Variants in TENM2 observed in about 807,000 individuals in gnomAD.
The protein encoded by TENM2 is teneurin-2.
TENM2 carries 52 observed loss-of-function variants against 245.2 expected under a neutral mutation model. That is an observed-to-expected ratio of 0.21 (90% CI 0.17 to 0.27). TENM2 has a LOEUF of 0.27. Among genes scored for constraint, TENM2 ranks in the 10% least tolerant of loss-of-function variants. The probability of loss-of-function intolerance (pLI) is 1.00; values close to 1 mark genes in which losing one functional copy is unlikely to be tolerated. For missense variants in TENM2, 3,046 were observed against 3,666.8 expected, an observed-to-expected ratio of 0.83 and a Z score of 4.37; for synonymous variants, 1,363 against 1,438.9, an observed-to-expected ratio of 0.95 and a Z score of 1.19.
At chr5:167,645,395 G>A (rs1228252119) in intron 2 of TENM2, among the ~76,000 whole-genome samples, 1 of 152,054 alleles carries the variant, frequency 6.6e-6, no homozygotes, top group African/African-American at 2.4e-5. Context: ...GAAGGGTGGA[G>A]GAGGAAAGGT....
the TENM2 span, among the ~76,000 whole-genome samples, chr5:167,170,903 C>T: frequency 7.0e-6 from 1 of 143,396 alleles, no homozygotes; most frequent in Non-Finnish European, 1.5e-5. Context: ...TGGTTATCAC[C>T]GTCTCCTAAA....
chr5:168,095,635 A>G (rs575394520), intron 8 of TENM2, among the ~76,000 whole-genome samples: 4 of 152,338 alleles, frequency 2.6e-5, no homozygotes, highest in Non-Finnish European at 5.9e-5. Context: ...AGGGCTTTGC[A>G]TATGAGGGGA....
intron 2 of TENM2, among the ~76,000 whole-genome samples, chr5:167,842,123 G>T (rs958605202): frequency 6.6e-6 from 1 of 151,996 alleles, no homozygotes; most frequent in Non-Finnish European, 1.5e-5. Context: ...ACATCTTGCT[G>T]CCATCTCAGA....
At chr5:167,172,815 C>T in the TENM2 span, among the ~76,000 whole-genome samples, 3,350 of 151,954 alleles carry the variant, frequency 0.022, 108 homozygotes, top group African/African-American at 0.075. Context: ...TGGGTCTCAC[C>T]GAGTTGCTCA....
At chr5:168,259,662 C>G (rs1335799129) in intron 27 of TENM2, among the ~76,000 whole-genome samples, 1 of 152,204 alleles carries the variant, frequency 6.6e-6, no homozygotes, top group Admixed American at 6.5e-5. Flanking sequence ...CTGTGTCCAG[C>G]TCTTGGAAAC....
chr5:167,028,096 C>T, the TENM2 span, among the ~76,000 whole-genome samples: 6 of 144,256 alleles, frequency 4.2e-5, no homozygotes, highest in African/African-American at 1.5e-4. Context: ...AAAAAAGTTA[C>T]GTAGGTGGGA....
In TENM2 at chr5:167,444,298, T is replaced by TACACACACACACACAC. The variant is rs140953889; in HGVS notation, c.502+68833_502+68848dup. Among the ~76,000 whole-genome samples, 84 of 150,496 alleles carry TACACACACACACACAC rather than the reference T, an allele frequency of 5.6e-4. 2 individuals carry two copies. In the East Asian group the frequency reaches 0.015, roughly 26 times the overall value. On this transcript the variant is annotated intron_variant, in intron 2 of 28. Coordinates refer to ENST00000518659, the Ensembl canonical transcript of TENM2. ...TTATGCACACATGCACACATACACA[T>TACACACACACACACAC]ACACACACACACACACACACACAAT...
chr5:167,490,165 AC>A (rs1384907452), intron 2 of TENM2, among the ~76,000 whole-genome samples: 1 of 152,190 alleles, frequency 6.6e-6, no homozygotes, highest in Admixed American at 6.5e-5. Context: ...CACCGCAGTT[AC>A]AAAAGTACCC....
At chr5:167,365,757 A>G (rs933954265) in intron 1 of TENM2, among the ~76,000 whole-genome samples, 1 of 152,052 alleles carries the variant, frequency 6.6e-6, no homozygotes, top group African/African-American at 2.4e-5. Context: ...ACAGGTACCT[A>G]TAAAATAACC....
At chr5:168,102,386 A>G (rs1793895127) in intron 9 of TENM2, among the ~76,000 whole-genome samples, 2 of 152,220 alleles carry the variant, frequency 1.3e-5, no homozygotes, top group East Asian at 3.8e-4. Context: ...AATTTATTTT[A>G]AAAAGAACAA....
the TENM2 span, among the ~76,000 whole-genome samples, chr5:167,059,450 C>T: frequency 1.3e-5 from 2 of 152,110 alleles, no homozygotes; most frequent in African/African-American, 4.8e-5. Flanking sequence ...GTTTTTCAGA[C>T]GAATGTTTCT....
rs191849061 is a variant in TENM2 at position 167,711,558 on chromosome 5, C to T, written c.503-164428C>T. Among the ~76,000 whole-genome samples the T allele has an allele frequency of 6.6e-5, 10 of 152,302 alleles. No homozygotes were observed. In the East Asian group the frequency reaches 1.7e-3, roughly 26 times the overall value. Reference sequence around the variant, plus strand: ...CTTTGTCCCCTGGCCTTTCACAATGCCCACCTTGCCAATCACATCCCTTAC... The same window carrying T: ...CTTTGTCCCCTGGCCTTTCACAATGTCCACCTTGCCAATCACATCCCTTAC... On this transcript the variant is annotated intron_variant, in intron 2 of 28. Coordinates refer to ENST00000518659, the Ensembl canonical transcript of TENM2.
the TENM2 span, among the ~76,000 whole-genome samples, chr5:167,011,716 C>A: frequency 6.6e-6 from 1 of 152,154 alleles, no homozygotes; most frequent in African/African-American, 2.4e-5. Context: ...AGGCTTTGTC[C>A]CCTCTATTTA....
At chr5:167,937,032 A>T (rs1778775580) in intron 3 of TENM2, among the ~76,000 whole-genome samples, 1 of 152,214 alleles carries the variant, frequency 6.6e-6, no homozygotes. Flanking sequence ...TATTTATGGT[A>T]TACACCACGA....
the TENM2 span, among the ~76,000 whole-genome samples, chr5:167,040,431 A>G: frequency 6.6e-6 from 1 of 152,074 alleles, no homozygotes; most frequent in Non-Finnish European, 1.5e-5. Flanking sequence ...AAACTGAAAT[A>G]GTAAACAGCA....
the TENM2 span, among the ~76,000 whole-genome samples, chr5:167,275,733 A>G: frequency 6.6e-6 from 1 of 152,018 alleles, no homozygotes; most frequent in African/African-American, 2.4e-5. Context: ...GAACTTGCTT[A>G]TATTAGTTTC....
chr5:168,036,182 A>T (rs949938545), intron 5 of TENM2, among the ~76,000 whole-genome samples: 1 of 152,172 alleles, frequency 6.6e-6, no homozygotes, highest in African/African-American at 2.4e-5. Flanking sequence ...GGAGGGGGAC[A>T]CATAATGACC....
chr5:168,026,860 T>C (rs577158041), intron 5 of TENM2, among the ~76,000 whole-genome samples: 40 of 152,232 alleles, frequency 2.6e-4, no homozygotes, highest in Middle Eastern at 3.4e-3. Context: ...CAAACAAACC[T>C]AGGTTTTCCC....
intron 13 of TENM2, 48 bp downstream of exon 15, chr5:168,162,805 C>T (rs765456747): frequency 6.3e-7 from 1 of 1,592,972 alleles, no homozygotes. Flanking sequence ...AGAGCGTTGT[C>T]CATGCTTTTG....
Sources: gnomAD v4.1 joint callset for allele counts (sites outside exome capture counted in the v4.1 genomes callset) on GRCh38, gnomAD v4.1.1 for gene constraint, MANE v1.5 for transcripts, NCBI Gene and HGNC (gene_info 2026-07-23, HGNC 2026-07-21) for gene names.